Variants in NCOR1 observed in about 807,000 individuals in gnomAD.
NCOR1 encodes nuclear receptor corepressor 1.
NCOR1 carries 63 observed loss-of-function variants against 288.1 expected under a neutral mutation model. The observed-to-expected ratio is 0.22, with a 90% CI of 0.18 to 0.27. The LOEUF (loss-of-function observed/expected upper bound fraction) is 0.27, where lower values mean the gene tolerates loss of function less well. Among genes scored for constraint, NCOR1 ranks in the 10% least tolerant of loss-of-function variants. The probability of loss-of-function intolerance (pLI) is 1.00; values close to 1 mark genes in which losing one functional copy is unlikely to be tolerated. For missense variants in NCOR1, 2,397 were observed against 3,019.2 expected (o/e 0.79, Z 4.83); for synonymous variants, 1,007 against 1,065.9 (o/e 0.94, Z 1.08).
intron 21 of NCOR1, among the ~76,000 whole-genome samples, chr17:16,097,220 C>A (rs2066796412): frequency 2.0e-5 from 3 of 152,138 alleles, no homozygotes; most frequent in Admixed American, 2.0e-4. Context: ...GCTGACAGCC[C>A]AAAAAACCAC....
At chr17:16,101,144 C>T (rs1204536613) in intron 20 of NCOR1, 106 bp downstream of exon 20, 7 of 1,134,746 alleles carry the variant, frequency 6.2e-6, no homozygotes, top group Admixed American at 4.7e-5. Context: ...CTACCTATAA[C>T]GTGCCAATAT....
intron 35 of NCOR1, among the ~76,000 whole-genome samples, chr17:16,063,833 T>A (rs2060810665): frequency 6.6e-6 from 1 of 152,236 alleles, no homozygotes; most frequent in Non-Finnish European, 1.5e-5. Flanking sequence ...TGCAGTCCAC[T>A]GTTTGCACCA....
intron 18 of NCOR1, among the ~76,000 whole-genome samples, chr17:16,109,728 A>G (rs2069594058): frequency 7.1e-6 from 1 of 141,250 alleles, no homozygotes; most frequent in Non-Finnish European, 1.5e-5. Context: ...ATTTCTTTTT[A>G]CCACTCAATT....
rs61754982 is a variant in NCOR1 at position 16,101,574 on chromosome 17, C to G, written c.2366G>C (p.Ser789Thr). Reference protein sequence around the residue: ...SVETQVNDSISAETAEQMDVD... With the variant: ...SVETQVNDSITAETAEQMDVD... ...ATCCATCTGCTCTGCTGTCTCAGCA[C>G]TGATGCTGTCATTCACCTGGGTCTC... is the stretch of plus-strand genomic sequence containing the variant. The change falls in exon 20 of 46, where the codon AGT becomes ACT. Residue 789 changes from serine (S) to threonine (T), a missense_variant. Ser to Thr is a moderately conservative substitution (Grantham distance 58). Around this residue, in one of 11 missense-constraint regions of NCOR1, gnomAD observed 1,872 missense variants for 2,187.8 expected, o/e 0.86. Transcript: ENST00000268712. The G allele has an allele frequency of 1.4e-3, 2,200 of 1,614,218 alleles. No homozygotes were observed. The highest frequency in any genetic ancestry group is 1.7e-3 in the Non-Finnish European group (1,999 of 1,180,044).
chr17:16,150,744 A>C (rs1322798885), intron 8 of NCOR1, among the ~76,000 whole-genome samples: 2 of 152,050 alleles, frequency 1.3e-5, no homozygotes, highest in Non-Finnish European at 2.9e-5. Flanking sequence ...ACTAGATCTT[A>C]TCTGCTCTTC....
intron 5 of NCOR1, among the ~76,000 whole-genome samples, chr17:16,161,678 T>A (rs2153429148): frequency 6.6e-6 from 1 of 152,346 alleles, no homozygotes; most frequent in South Asian, 2.1e-4. Context: ...TGAAATTGTG[T>A]GAGACATGAT....
chr17:16,153,095 A>T (rs1190119312), intron 7 of NCOR1, among the ~76,000 whole-genome samples: 3 of 152,074 alleles, frequency 2.0e-5, no homozygotes, highest in East Asian at 3.8e-4. Context: ...CTTAATTCTC[A>T]TTCTGCCTGG....
intron 14 of NCOR1, among the ~76,000 whole-genome samples, chr17:16,133,258 C>T (rs1054295646): frequency 6.6e-6 from 1 of 152,142 alleles, no homozygotes; most frequent in Admixed American, 6.5e-5. Context: ...CGTGAGCCAT[C>T]GCACCCAGCC....
chr17:16,092,584 G>GCCAAGTC (rs1301522349), intron 21 of NCOR1, among the ~76,000 whole-genome samples: 2 of 137,906 alleles, frequency 1.5e-5, no homozygotes, highest in African/African-American at 5.4e-5. Context: ...ATTTATGGCA[G>GCCAAGTC]CCAAGTCCCT....
At chr17:16,194,981 G>A (rs894715126) in intron 1 of NCOR1, among the ~76,000 whole-genome samples, 6 of 152,198 alleles carry the variant, frequency 3.9e-5, no homozygotes, top group African/African-American at 1.4e-4. Flanking sequence ...TTTAAATTTG[G>A]GAGTTGATAA....
chr17:16,191,067 A>C (rs1013414306), intron 2 of NCOR1, among the ~76,000 whole-genome samples: 2 of 152,250 alleles, frequency 1.3e-5, no homozygotes, highest in Non-Finnish European at 2.9e-5. Flanking sequence ...TAAACTCTGA[A>C]TTTGGGATCC....
intron 32 of NCOR1, among the ~76,000 whole-genome samples, 189 bp downstream of exon 32, chr17:16,067,705 G>A (rs898135403): frequency 2.0e-5 from 3 of 152,092 alleles, no homozygotes; most frequent in Admixed American, 6.5e-5. Context: ...GTTCTTTACC[G>A]GGTGCTGATA....
rs775295578 is a variant in NCOR1, at chr17:16,194,514, C to T, written c.56G>A (p.Arg19His). 6.8e-6 allele frequency: 11 copies of T among 1,611,226 alleles called. No homozygotes were observed. The highest frequency in any genetic ancestry group is 4.5e-5 in the East Asian group (2 of 44,866). ...NQGAFSTEQS[R>H]YPPHSVQYTF... ...ATACTGGACAGAGTGAGGAGGATAA[C>T]GACTTTGTTCTGTGCTGAATGCTCC... The change falls in exon 2 of 46, where the codon CGT (arginine) becomes CAT (histidine). Residue 19 changes from arginine (R) to histidine (H), a missense_variant. This residue lies in a region of NCOR1 where 55 missense variants were observed against 69.6 expected (regional missense o/e 0.79). Coordinates refer to ENST00000268712, the MANE Select transcript of NCOR1 (RefSeq NM_006311.4).
intron 3 of NCOR1, among the ~76,000 whole-genome samples, chr17:16,172,219 G>T (rs1409086333): frequency 6.6e-6 from 1 of 152,122 alleles, no homozygotes; most frequent in Non-Finnish European, 1.5e-5. Context: ...AGCTGGGCGT[G>T]GCAGTGGGCG....
At chr17:16,077,501 A>T (rs1376543221) in intron 26 of NCOR1, among the ~76,000 whole-genome samples, 3 of 26,094 alleles carry the variant, frequency 1.1e-4, no homozygotes. Context: ...AGGGGAGGAG[A>T]GGGGAGGAGA....
At chr17:16,122,581 C>T (rs1268528898) in intron 15 of NCOR1, 1 of 152,128 alleles carries the variant, frequency 6.6e-6, no homozygotes, top group South Asian at 2.1e-4. Flanking sequence ...ATCCCTGCTG[C>T]TACTCTGGCT....
rs2152598812 is a variant in NCOR1, at chr17:16,061,598, T to A, written c.5684A>T (p.His1895Leu). The A allele has an allele frequency of 6.2e-7, 1 of 1,614,200 alleles. No homozygotes were observed. The highest frequency in any genetic ancestry group is 1.1e-5 in the South Asian group (1 of 91,088). Residue 1895 changes from histidine to leucine, a missense_variant, in exon 37 of 46, where the codon CAT becomes CTT. This residue lies in a region of NCOR1 where 1,872 missense variants were observed against 2,187.8 expected (regional missense o/e 0.86). Transcript: ENST00000268712. ...AGCCTCAGAATAAACTACTGAAGAA[T>A]GAGGCTGGGGCTTGCCACTTGGAAA... is the stretch of plus-strand genomic sequence containing the variant. ...SAFPSGKPQP[H>L]SSVVYSEAGK...
At chr17:16,147,809 T>C (rs2078221410) in intron 9 of NCOR1, among the ~76,000 whole-genome samples, 1 of 152,204 alleles carries the variant, frequency 6.6e-6, no homozygotes, top group Non-Finnish European at 1.5e-5. Flanking sequence ...CTTAATGTTG[T>C]AGCTAAATGC....
rs2092175701 is a variant in NCOR1 at position 16,212,013 on chromosome 17, C to T, written c.-71+3349G>A. Among the ~76,000 whole-genome samples, 3 of 152,144 alleles carry T rather than the reference C, an allele frequency of 2.0e-5. No individual in the cohort carries two copies. In the South Asian group the frequency reaches 6.2e-4, roughly 31 times the overall value. Reference sequence around the variant, plus strand: ...ATCTATAGGGCCGGGCACAGTGGCTCACACCTGTAATCCCAGCACTTTGGG... The same window carrying T: ...ATCTATAGGGCCGGGCACAGTGGCTTACACCTGTAATCCCAGCACTTTGGG... On this transcript the variant is annotated intron_variant, in intron 1 of 45. Coordinates refer to ENST00000268712, the MANE Select transcript of NCOR1 (RefSeq NM_006311.4).
Sources: allele counts gnomAD v4.1 joint callset (sites outside exome capture counted in the v4.1 genomes callset), GRCh38; gene constraint gnomAD v4.1.1; regional missense constraint gnomAD v4.1.1; transcripts MANE v1.5; gene names NCBI Gene and HGNC (gene_info 2026-07-23, HGNC 2026-07-21).